The following GDAP1 variants were observed in gnomAD, a reference collection of about 807,000 sequenced individuals.
GDAP1 encodes the protein ganglioside induced differentiation associated protein 1.
A neutral mutation model predicts 40.1 loss-of-function variants in GDAP1; 34 were observed. The ratio of observed to expected loss-of-function variants is 0.85; its 90% CI spans 0.64 to 1.13. The LOEUF (loss-of-function observed/expected upper bound fraction) is 1.13. Ranked by LOEUF, GDAP1 falls within the 50% of genes most tolerant of loss-of-function variation. The pLI, the probability that GDAP1 is intolerant of heterozygous loss-of-function variation, is 0.00. For synonymous variants in GDAP1, 170 were observed against 157.4 expected, an observed-to-expected ratio of 1.08 and a Z score of -0.60; for missense variants, 374 against 433.7, an observed-to-expected ratio of 0.86 and a Z score of 1.22.
chr8:74,417,565 C>T (rs1256283111), intron 2 of GDAP1, among the ~76,000 whole-genome samples: 1 of 149,642 alleles, frequency 6.7e-6, no homozygotes, highest in East Asian at 1.9e-4. Context: ...CCAATGCGCC[C>T]AGCCAACATG....
intron 2 of GDAP1, among the ~76,000 whole-genome samples, chr8:74,356,950 C>T (rs1228391812): frequency 3.3e-5 from 5 of 151,914 alleles, no homozygotes; most frequent in African/African-American, 9.7e-5. Context: ...CTCCTGACCT[C>T]GTGATCTGCC....
chr8:74,475,414 G>T (rs764130304), intron 2 of GDAP1, among the ~76,000 whole-genome samples: 3 of 151,812 alleles, frequency 2.0e-5, no homozygotes, highest in Non-Finnish European at 4.4e-5. Flanking sequence ...TTTGATATAG[G>T]CATTTAGTGC....
At chr8:74,357,458 G>T (rs181795698) in intron 2 of GDAP1, among the ~76,000 whole-genome samples, 207 of 152,254 alleles carry the variant, frequency 1.4e-3, no homozygotes, top group Middle Eastern at 3.4e-3. Flanking sequence ...AGGCCCATTT[G>T]TCTCCATTAC....
rs1806314348 is a variant in GDAP1 at position 74,454,692 on chromosome 8, AATAATATAATG to A, written c.166-33985_166-33975del. Among the ~76,000 whole-genome samples the A allele has an allele frequency of 2.9e-5, 2 of 69,094 alleles. 1 individual carries two copies. The highest frequency in any genetic ancestry group is 5.0e-5 in the Non-Finnish European group (2 of 40,048). The allele number at this position is 69,094 out of a possible 152,430, so 45.3% of individuals were successfully genotyped here. On this transcript the variant is annotated intron_variant, in intron 2 of 2. Coordinates refer to the GDAP1 transcript ENST00000523640. ...GCTCAGTCATTGCTCTGGGCCCTAA[AATAATATAATG>A]CCAAATAATACTACAAATGCCAAAT...
chr8:74,469,624 G>A (rs1286899261), intron 2 of GDAP1, among the ~76,000 whole-genome samples: 2 of 149,846 alleles, frequency 1.3e-5, no homozygotes, highest in Non-Finnish European at 3.0e-5. Flanking sequence ...AGCCGAGATC[G>A]CGCCACTGCA....
intron 2 of GDAP1, among the ~76,000 whole-genome samples, chr8:74,468,536 T>G (rs549152235): frequency 3.4e-4 from 51 of 150,998 alleles, no homozygotes; most frequent in African/African-American, 1.2e-3. Context: ...TGAATGTGTA[T>G]ATATACACAC....
intron 2 of GDAP1, among the ~76,000 whole-genome samples, chr8:74,455,632 A>G (rs1046451183): frequency 2.0e-5 from 3 of 151,934 alleles, no homozygotes; most frequent in African/African-American, 7.2e-5. Flanking sequence ...ACATTAGATC[A>G]TGTCCTCCAT....
chr8:74,439,054 G>GTT (rs1563470279), intron 2 of GDAP1, among the ~76,000 whole-genome samples: 1 of 151,754 alleles, frequency 6.6e-6, no homozygotes, highest in African/African-American at 2.4e-5. Flanking sequence ...GTGTGTGTGT[G>GTT]TGTATATAAC....
At chr8:74,442,670 C>T (rs1806177145) in intron 2 of GDAP1, among the ~76,000 whole-genome samples, 1 of 152,110 alleles carries the variant, frequency 6.6e-6, no homozygotes, top group Non-Finnish European at 1.5e-5. Context: ...CTGATTATGA[C>T]TGAAGTCTTT....
Position 74,366,650 on chromosome 8 carries a change from TG to T in GDAP1, c.*2284del. On this transcript the variant is annotated 3_prime_UTR_variant, in exon 6 of 6. Transcript: ENST00000220822. ...AGGTACTAAAGTTATGTTGGCTTTT[TG>T]TGTCTTAACACACATAAATACTATT... The T allele has an allele frequency of 4.4e-6, 2 of 453,872 alleles. No individual in the cohort carries two copies. Among genetic ancestry groups the T allele is most frequent in the Non-Finnish European group, 4.4e-6 (1 of 226,674 alleles). The allele number at this position is 453,872 out of a possible 1,614,324, so 28.1% of individuals were successfully genotyped here.
At chr8:74,363,586 A>G (rs7000984) in intron 5 of GDAP1, among the ~76,000 whole-genome samples, 45,676 of 152,172 alleles carry the variant, frequency 0.3, 7,077 homozygotes, top group Non-Finnish European at 0.34. Context: ...TAAGAGCAGT[A>G]GCCACTGAGT....
chr8:74,365,090 G>A lies in GDAP1; in HGVS notation c.*723G>A, dbSNP rs116863614. ...TGTCCAGTCAGTGGGAGGTAGAAAG[G>A]GTGGCATCTGTAGCCCTCTTCATAC... On this transcript the variant is annotated 3_prime_UTR_variant, in exon 6 of 6. Transcript: ENST00000220822. 2,874 of 453,976 alleles carry A rather than the reference G, an allele frequency of 6.3e-3. 23 individuals are homozygous for A. The highest frequency in any genetic ancestry group is 0.019 in the Middle Eastern group (27 of 1,444). 28.1% of individuals were successfully genotyped at this position (453,976 alleles called of 1,614,324 possible). A position where few individuals can be genotyped will look rare whatever the true frequency, so the allele number is the denominator to read the frequency against.
At chr8:74,362,118 C>G (rs2131516549) in intron 4 of GDAP1, 140 bp downstream of exon 4, 1 of 675,206 alleles carries the variant, frequency 1.5e-6, no homozygotes, top group African/African-American at 1.8e-5. Context: ...GGCTTATGTT[C>G]TCCTTTTAGA....
At chr8:74,448,245 T>C (rs1167259763) in intron 2 of GDAP1, among the ~76,000 whole-genome samples, 1 of 25,092 alleles carries the variant, frequency 4.0e-5, no homozygotes, top group Non-Finnish European at 7.4e-5. Context: ...TAAACAGATA[T>C]ATAGTATGTC....
rs560823341 is a variant in GDAP1, at chr8:74,352,520, TA to T, written c.310+1055del. Among the ~76,000 whole-genome samples the T allele has an allele frequency of 6.0e-4, 92 of 152,344 alleles. 1 individual carries two copies. In the East Asian group the frequency reaches 0.016, roughly 27 times the overall value. On this transcript the variant is annotated intron_variant, in intron 2 of 5. Transcript: ENST00000220822. ...TACTTAGAAGGAAAATGAGTATTAT[TA>T]GGCCTAGATGGTGGGCAGTGGCGAG...
At chr8:74,363,752 G>C (rs1809483555) in intron 5 of GDAP1, among the ~76,000 whole-genome samples, 1 of 152,198 alleles carries the variant, frequency 6.6e-6, no homozygotes, top group African/African-American at 2.4e-5. Flanking sequence ...TAGGGACCTG[G>C]ATGGCTGACA....
intron 2 of GDAP1, among the ~76,000 whole-genome samples, chr8:74,439,257 C>CAT (rs1806131653): frequency 6.6e-6 from 1 of 151,952 alleles, no homozygotes; most frequent in African/African-American, 2.4e-5. Context: ...ACACATATTA[C>CAT]ATATATATGC....
chr8:74,409,939 C>A (rs1343969686), intron 2 of GDAP1, among the ~76,000 whole-genome samples: 1 of 149,894 alleles, frequency 6.7e-6, no homozygotes, highest in African/African-American at 2.5e-5. Context: ...CTGTGGCACC[C>A]AATTAAAGCC....
At chr8:74,414,592 A>G (rs757837409) in intron 2 of GDAP1, among the ~76,000 whole-genome samples, 6 of 149,762 alleles carry the variant, frequency 4.0e-5, no homozygotes, top group Non-Finnish European at 8.8e-5. Flanking sequence ...AGATAAATCA[A>G]TAGAAATTAT....
Sources: gnomAD v4.1 joint callset for allele counts (sites outside exome capture counted in the v4.1 genomes callset) on GRCh38, gnomAD v4.1.1 for gene constraint, MANE v1.5 for transcripts, NCBI Gene and HGNC (gene_info 2026-07-23, HGNC 2026-07-21) for gene names.